The following CDH5 variants were observed in gnomAD, a reference collection of about 807,000 sequenced individuals.
CDH5 encodes cadherin 5.
In CDH5, 28 loss-of-function variants were observed where a neutral mutation model predicts 62.0. The observed-to-expected ratio is 0.45, with a 90% CI of 0.33 to 0.62. The LOEUF (loss-of-function observed/expected upper bound fraction) is 0.62, where lower values mean the gene tolerates loss of function less well. Ranked by LOEUF, CDH5 falls within the 20% of genes least tolerant of loss-of-function variation. The pLI, the probability that CDH5 is intolerant of heterozygous loss-of-function variation, is 0.02. For synonymous variants in CDH5, 464 were observed against 445.8 expected, an observed-to-expected ratio of 1.04 and a Z score of -0.52; for missense variants, 940 against 1,065.1, an observed-to-expected ratio of 0.88 and a Z score of 1.63.
chr16:66,381,655 G>A (rs7404334), intron 2 of CDH5, among the ~76,000 whole-genome samples: 106,596 of 152,106 alleles, frequency 0.7, 37,592 homozygotes, highest in East Asian at 0.81. Context: ...TGCCAGAAAG[G>A]TAACAACAGT....
rs765751058 is a variant in CDH5, at chr16:66,386,964, T to C, written c.366T>C (p.Ile122=). Residue 122 remains isoleucine (I), a synonymous_variant, in exon 3 of 12, where the codon ATT becomes ATC. Coordinates refer to ENST00000341529, the MANE Select transcript of CDH5 (RefSeq NM_001795.5). ...CAGAGTACCACCTCACTGCTGTCAT[T>C]GTGGACAAGGACACTGGCGAAAACC... ...NISEYHLTAV[I]VDKDTGENLE... 2.5e-6 allele frequency: 4 copies of C among 1,614,066 alleles called. No homozygotes were observed. In the East Asian group the frequency reaches 8.9e-5, roughly 36 times the overall value.
intron 2 of CDH5, among the ~76,000 whole-genome samples, chr16:66,379,815 TGGTGATGGTAGTGATGATAAAGGGGTA>T (rs941243022): frequency 1.3e-5 from 2 of 151,458 alleles, no homozygotes; most frequent in Non-Finnish European, 2.9e-5. Flanking sequence ...GTGAGAATGG[TGGTGATGGTAGTGATGATAAAGGGGTA>T]GGTGGTGGTT....
chr16:66,397,707 T>C (rs1313546985), intron 8 of CDH5, among the ~76,000 whole-genome samples: 1 of 152,154 alleles, frequency 6.6e-6, no homozygotes, highest in Non-Finnish European at 1.5e-5. Flanking sequence ...AAATTTTTAA[T>C]TTTAGGAATT....
Position 66,404,753 on chromosome 16 carries a change from C to G in CDH5, c.*1584C>G, listed in dbSNP as rs565170133. ...ATGACAAGTACTGTATTTTTTTATA[C>G]CTAAATAAAGAAAAATCTTTAGCCT... is the stretch of plus-strand genomic sequence containing the variant. On this transcript the variant is annotated 3_prime_UTR_variant, in exon 12 of 12. Coordinates refer to ENST00000341529, the MANE Select transcript of CDH5 (RefSeq NM_001795.5). 6.6e-6 allele frequency: 1 copy of G among 152,268 alleles called. No individual in the cohort carries two copies. The highest frequency in any genetic ancestry group is 1.5e-5 in the Non-Finnish European group (1 of 67,986). The allele number at this position is 152,268 out of a possible 1,614,324, so 9.4% of individuals were successfully genotyped here.
chr16:66,372,290 T>C (rs1487281592), intron 1 of CDH5, among the ~76,000 whole-genome samples: 2 of 152,256 alleles, frequency 1.3e-5, no homozygotes, highest in Non-Finnish European at 2.9e-5. Context: ...TGCATGGAAT[T>C]AAGTGCCTGG....
At chr16:66,401,906 C>T (rs908689645) in intron 11 of CDH5, among the ~76,000 whole-genome samples, 2 of 152,204 alleles carry the variant, frequency 1.3e-5, no homozygotes, top group Admixed American at 6.5e-5. Flanking sequence ...GATACAGCCA[C>T]GGGGCACCTG....
chr16:66,387,556 G>A (rs1006077957), intron 3 of CDH5, among the ~76,000 whole-genome samples: 4 of 152,222 alleles, frequency 2.6e-5, no homozygotes, highest in African/African-American at 9.6e-5. Flanking sequence ...CATGGACTGA[G>A]TCCTGACCCT....
chr16:66,369,141 C>CCATA (rs1196624935), intron 1 of CDH5, among the ~76,000 whole-genome samples: 1 of 152,158 alleles, frequency 6.6e-6, no homozygotes, highest in Admixed American at 6.5e-5. Context: ...CTGCCTTGGA[C>CCATA]CATAGCAAAA....
In CDH5 at chr16:66,386,920, C is replaced by A. The variant is rs778398538; in HGVS notation, c.322C>A (p.Leu108Met). Residue 108 changes from leucine (L) to methionine (M), a missense_variant, in exon 3 of 12, where the codon CTG becomes ATG. Transcript: ENST00000341529. ...ETGDVFAIER[L>M]DRENISEYHL... ...AGGAGACGTGTTCGCCATTGAGAGG[C>A]TGGACCGGGAGAATATCTCAGAGTA... 1 of 1,614,226 alleles carries A rather than the reference C, an allele frequency of 6.2e-7. No homozygotes were observed. The highest frequency in any genetic ancestry group is 8.5e-7 in the Non-Finnish European group (1 of 1,180,056).
chr16:66,378,380 C>G (rs979931042), intron 1 of CDH5, among the ~76,000 whole-genome samples: 1 of 152,170 alleles, frequency 6.6e-6, no homozygotes, highest in African/African-American at 2.4e-5. Flanking sequence ...GTTCTGAAAC[C>G]TCTCTGTTCC....
At chr16:66,368,134 G>C (rs1190099556) in intron 1 of CDH5, among the ~76,000 whole-genome samples, 1 of 152,192 alleles carries the variant, frequency 6.6e-6, no homozygotes, top group African/African-American at 2.4e-5. Context: ...TGGGCAGATA[G>C]GATTCTGACA....
In CDH5 at chr16:66,380,257, G is replaced by A. The variant is rs556130226; in HGVS notation, c.210+710G>A. Among the ~76,000 whole-genome samples the A allele has an allele frequency of 3.6e-4, 52 of 146,244 alleles. No homozygotes were observed. In the South Asian group the frequency reaches 6.9e-3, roughly 19 times the overall value. The stretch of plus-strand genomic sequence containing the variant: ...AGGGGTAGGTGGTGGTGGTGATCAC[G>A]GTGATGGTGGTGATGATAAAGGGGT... On this transcript the variant is annotated intron_variant, in intron 2 of 11. Coordinates refer to ENST00000341529, the MANE Select transcript of CDH5 (RefSeq NM_001795.5).
chr16:66,391,998 C>A, intron 6 of CDH5, 138 bp from the exon 7 acceptor site: 2 of 1,003,112 alleles, frequency 2.0e-6, no homozygotes, highest in Non-Finnish European at 3.0e-6. Flanking sequence ...TCAGAAATAT[C>A]ACTTGTCGAG....
intron 3 of CDH5, among the ~76,000 whole-genome samples, chr16:66,387,316 G>A: frequency 6.6e-6 from 1 of 152,266 alleles, no homozygotes; most frequent in East Asian, 1.9e-4. Context: ...CATAGACCAA[G>A]CCCTGATCCT....
At chr16:66,375,561 TA>T (rs1320297083) in intron 1 of CDH5, among the ~76,000 whole-genome samples, 1 of 151,056 alleles carries the variant, frequency 6.6e-6, no homozygotes, top group Non-Finnish European at 1.5e-5. Flanking sequence ...AAAATAAAAA[TA>T]AAAAAATAAA....
chr16:66,390,011 T>C (rs1262975499), intron 5 of CDH5, among the ~76,000 whole-genome samples: 2 of 152,228 alleles, frequency 1.3e-5, no homozygotes, highest in Admixed American at 6.5e-5. Context: ...CTGGGGCAGA[T>C]GGCTCTCCAC....
intron 1 of CDH5, among the ~76,000 whole-genome samples, chr16:66,368,109 G>A (rs921897388): frequency 1.8e-4 from 28 of 152,168 alleles, no homozygotes; most frequent in African/African-American, 6.0e-4. Context: ...CAGCGTGGAC[G>A]TTTCTCATGT....
intron 1 of CDH5, among the ~76,000 whole-genome samples, chr16:66,368,035 G>A (rs1044713054): frequency 2.0e-5 from 3 of 152,174 alleles, no homozygotes; most frequent in African/African-American, 7.2e-5. Context: ...TACGAGGAAG[G>A]GGGTGCAAGT....
intron 2 of CDH5, among the ~76,000 whole-genome samples, chr16:66,382,864 C>T (rs1960921580): frequency 6.6e-6 from 1 of 152,206 alleles, no homozygotes; most frequent in Non-Finnish European, 1.5e-5. Flanking sequence ...CCTTTGTTTA[C>T]AGACCTGGCT....
Sources: gnomAD v4.1 joint callset for allele counts (sites outside exome capture counted in the v4.1 genomes callset) on GRCh38, gnomAD v4.1.1 for gene constraint, MANE v1.5 for transcripts, NCBI Gene and HGNC (gene_info 2026-07-23, HGNC 2026-07-21) for gene names.